The following UBE2R2 variants were observed in gnomAD, a reference collection of about 807,000 sequenced individuals.
The protein encoded by UBE2R2 is ubiquitin-conjugating enzyme E2 R2.
UBE2R2 carries 1 observed loss-of-function variant against 27.8 expected under a neutral mutation model. That is an observed-to-expected ratio of 0.04 (90% CI 0.01 to 0.17). The LOEUF (loss-of-function observed/expected upper bound fraction) is 0.17. Among genes scored for constraint, UBE2R2 ranks in the 10% least tolerant of loss-of-function variants. UBE2R2 has a pLI of 1.00. For missense variants in UBE2R2, 100 were observed against 291.0 expected (o/e 0.34, Z 4.78); for synonymous variants, 106 against 113.3 (o/e 0.94, Z 0.41).
intron 1 of UBE2R2, among the ~76,000 whole-genome samples, chr9:33,881,295 T>C (rs1821727923): frequency 6.6e-6 from 1 of 152,228 alleles, no homozygotes; most frequent in African/African-American, 2.4e-5. Flanking sequence ...GTTTCTGCAC[T>C]AATGTATTAA....
chr9:33,841,691 T>G (rs1275309603), intron 1 of UBE2R2, among the ~76,000 whole-genome samples: 2 of 152,180 alleles, frequency 1.3e-5, no homozygotes, highest in African/African-American at 4.8e-5. Context: ...TTTATAAAAC[T>G]TAACCACTTC....
chr9:33,894,460 A>G (rs1822054045), intron 2 of UBE2R2, among the ~76,000 whole-genome samples: 1 of 151,962 alleles, frequency 6.6e-6, no homozygotes. Flanking sequence ...TTTTTGGGGA[A>G]TGGGGTCTTG....
In UBE2R2 at chr9:33,832,493, A is replaced by G. The variant is rs1026027395; in HGVS notation, c.177+14559A>G. On this transcript the variant is annotated intron_variant, in intron 1 of 4. Transcript: ENST00000263228. ...AACACGGTGAAACCCCGTCTGTACTAAAAATACAAAAAAATTAGCTGCGCT... is the reference window on the plus strand; with the variant it reads ...AACACGGTGAAACCCCGTCTGTACTGAAAATACAAAAAAATTAGCTGCGCT... 2.0e-5 allele frequency among the ~76,000 whole-genome samples: 3 copies of G among 152,088 alleles called. No homozygotes were observed. The East Asian group carries it at 5.8e-4, about 29-fold the overall frequency.
intron 3 of UBE2R2, among the ~76,000 whole-genome samples, chr9:33,908,413 T>G (rs531159597): frequency 1.6e-4 from 24 of 152,294 alleles, no homozygotes; most frequent in African/African-American, 5.8e-4. Context: ...GTAGGTTGTT[T>G]GTATAGGAGG....
intron 2 of UBE2R2, among the ~76,000 whole-genome samples, chr9:33,898,552 G>A (rs1425082202): frequency 6.6e-6 from 1 of 152,118 alleles, no homozygotes; most frequent in African/African-American, 2.4e-5. Flanking sequence ...GGTTGTATAT[G>A]TAAGATTTTT....
At chr9:33,880,146 T>G (rs1227165825) in intron 1 of UBE2R2, among the ~76,000 whole-genome samples, 3 of 152,000 alleles carry the variant, frequency 2.0e-5, no homozygotes, top group African/African-American at 7.2e-5. Context: ...TCGGCCTCCC[T>G]AAGTGCTGGA....
chr9:33,848,295 C>G (rs777895175), intron 1 of UBE2R2, among the ~76,000 whole-genome samples: 3 of 152,154 alleles, frequency 2.0e-5, no homozygotes, highest in Non-Finnish European at 4.4e-5. Flanking sequence ...TCTGAATCAT[C>G]TGTGGATTTG....
At position 33,858,253 on chromosome 9, in the gene UBE2R2, G is replaced by C. The variant is rs372061127; in HGVS notation, c.178-28628G>C. The stretch of plus-strand genomic sequence containing the variant: ...GGTAGCTTGCCATTATCAAAAGATA[G>C]TACTCCATACTCTACTGTCTCAGGA... On this transcript the variant is annotated intron_variant, in intron 1 of 4. Transcript: ENST00000263228. 2.6e-5 allele frequency among the ~76,000 whole-genome samples: 4 copies of C among 152,234 alleles called. No individual in the cohort carries two copies. In the South Asian group the frequency reaches 8.3e-4, roughly 32 times the overall value.
chr9:33,827,835 G>A lies in UBE2R2; in HGVS notation c.177+9901G>A, dbSNP rs1312708315. On this transcript the variant is annotated intron_variant, in intron 1 of 4. Transcript: ENST00000263228. ...AAAATACAAAAATTAGCTGGGCATG[G>A]TGGCACATGCCTGTAATCTCAGCTA... is the stretch of plus-strand genomic sequence containing the variant. Among the ~76,000 whole-genome samples the A allele has an allele frequency of 4.0e-5, 6 of 150,814 alleles. No homozygotes were observed. In the East Asian group the frequency reaches 1.2e-3, roughly 30 times the overall value.
At chr9:33,903,141 C>G (rs1245216710) in intron 3 of UBE2R2, among the ~76,000 whole-genome samples, 2 of 151,902 alleles carry the variant, frequency 1.3e-5, no homozygotes, top group Admixed American at 6.6e-5. Context: ...CTATATTACT[C>G]AAGAGTATGT....
chr9:33,902,718 C>CT (rs372954735), intron 3 of UBE2R2, among the ~76,000 whole-genome samples: 1 of 152,080 alleles, frequency 6.6e-6, no homozygotes, highest in East Asian at 1.9e-4. Context: ...AATACGCTTT[C>CT]TTTTTTTGAG....
At chr9:33,895,529 G>A (rs1008833582) in intron 2 of UBE2R2, among the ~76,000 whole-genome samples, 16 of 152,038 alleles carry the variant, frequency 1.1e-4, no homozygotes, top group African/African-American at 3.9e-4. Flanking sequence ...GGCTCTTTGG[G>A]TCCCTTAAAT....
rs533328151 is a variant in UBE2R2, at chr9:33,900,078, AAC to A, written c.265-94_265-93del. The A allele has an allele frequency of 1.8e-4, 154 of 838,336 alleles. 1 individual carries two copies. In the African/African-American group the frequency reaches 2.4e-3, roughly 13 times the overall value. The allele number at this position is 838,336 out of a possible 1,614,324, so 51.9% of individuals were successfully genotyped here. On this transcript the variant is annotated intron_variant, in intron 2 of 4. Coordinates refer to ENST00000263228, the MANE Select transcript of UBE2R2 (RefSeq NM_017811.4). ...GAATTGTTTTCTCCTTTGATGAAGA[AAC>A]AGTTTCTAGGAATAAAGGAAACTTT...
At chr9:33,893,100 TAATC>T (rs952176274) in intron 2 of UBE2R2, among the ~76,000 whole-genome samples, 18 of 152,176 alleles carry the variant, frequency 1.2e-4, no homozygotes, top group South Asian at 6.2e-4. Context: ...AGTAAATAAA[TAATC>T]AATTCAATAA....
chr9:33,883,437 C>T (rs184169131), intron 1 of UBE2R2, among the ~76,000 whole-genome samples: 11 of 152,194 alleles, frequency 7.2e-5, no homozygotes, highest in Admixed American at 3.3e-4. Context: ...TCAATAAGGC[C>T]GAGTGCGGTG....
At chr9:33,815,259 T>C (rs1825726646), upstream of UBE2R2, among the ~76,000 whole-genome samples, 1 of 152,148 alleles carries the variant, frequency 6.6e-6, no homozygotes, top group South Asian at 2.1e-4. Context: ...GTATCCTGGA[T>C]GAGATCCTGG....
intron 1 of UBE2R2, among the ~76,000 whole-genome samples, chr9:33,870,225 C>G (rs1228969285): frequency 1.3e-5 from 2 of 149,574 alleles, no homozygotes; most frequent in African/African-American, 4.9e-5. Flanking sequence ...TCATTGCCAC[C>G]TCTGCCTCCT....
chr9:33,829,778 T>C (rs141636003), intron 1 of UBE2R2, among the ~76,000 whole-genome samples: 6 of 151,160 alleles, frequency 4.0e-5, no homozygotes, highest in African/African-American at 1.2e-4. Flanking sequence ...ACAGCATCTT[T>C]AGATTAGTGC....
intron 3 of UBE2R2, among the ~76,000 whole-genome samples, chr9:33,900,883 A>C (rs1822228368): frequency 6.6e-6 from 1 of 151,930 alleles, no homozygotes; most frequent in African/African-American, 2.4e-5. Flanking sequence ...CATTATATTT[A>C]ATAGTCATGT....
Sources: allele counts gnomAD v4.1 joint callset (sites outside exome capture counted in the v4.1 genomes callset), GRCh38; gene constraint gnomAD v4.1.1; transcripts MANE v1.5; gene names NCBI Gene and HGNC (gene_info 2026-07-23, HGNC 2026-07-21).